ICAM4: variants seen among roughly 807,000 people sequenced by gnomAD.
The protein encoded by ICAM4 is intercellular adhesion molecule 4 (Landsteiner-Wiener blood group).
Under a neutral mutation model 18.8 loss-of-function variants are expected in ICAM4, and 16 were observed. The ratio of observed to expected loss-of-function variants is 0.85; its 90% CI spans 0.58 to 1.29. The LOEUF is 1.29. ICAM4 is among the 50% of genes most tolerant of loss of function. The pLI is 0.00. For missense variants in ICAM4, 338 were observed against 364.3 expected (o/e 0.93, Z 0.59); for synonymous variants, 163 against 163.2 (o/e 1.00, Z 0.01).
At position 10,287,843 on chromosome 19, in the gene ICAM4, GGCACC is replaced by G; in HGVS notation, c.697+6_697+10del. ...CACCCATTACACTGATGCTCGGTGA[GGCACC>G]CCTGTAACCCTGGGGACTAGGAGGA... On this transcript the variant is annotated splice_donor_region_variant and intron_variant, in intron 2 of 2. Transcript: ENST00000380770. The surrounding 1 kb of genome is among the most constrained non-coding windows in gnomAD (Gnocchi z 8.7). The G allele has an allele frequency of 6.2e-7, 1 of 1,610,238 alleles. No individual in the cohort carries two copies. Among genetic ancestry groups the G allele is most frequent in the Non-Finnish European group, 8.5e-7 (1 of 1,179,830 alleles).
Position 10,287,462 on chromosome 19 carries a change from G to A in ICAM4, c.394+56G>A. ...GTGAGGGGAGGGGGCTGGAAGAGGT[G>A]GGGGAAGGGTAGTTGACAGTCGCTC... On this transcript the variant is annotated intron_variant, in intron 1 of 2. Coordinates refer to ENST00000380770, the MANE Select transcript of ICAM4 (RefSeq NM_001544.5). The surrounding 1 kb of genome is among the most constrained non-coding windows in gnomAD (Gnocchi z 8.7). The A allele has an allele frequency of 6.3e-7, 1 of 1,588,756 alleles. No homozygotes were observed. The highest frequency in any genetic ancestry group is 8.6e-7 in the Non-Finnish European group (1 of 1,166,100).
chr19:10,288,098 G>A lies in ICAM4; in HGVS notation c.810G>A (p.Gln270=), dbSNP rs184847594. Residue 270 remains glutamine (Q), a synonymous_variant, in exon 3 of 3, where the codon CAG becomes CAA. Transcript: ENST00000380770. ...YLCKCLAMKS[Q]A ...GCAAGTGCCTAGCTATGAAGTCCCA[G>A]GCGTAAAGGGGGATGTTCTATGCCG... 1.9e-6 allele frequency: 3 copies of A among 1,614,150 alleles called. No homozygotes were observed. The highest frequency in any genetic ancestry group is 1.3e-5 in the African/African-American group (1 of 75,030).
rs1333831539 is a variant in ICAM4 at position 10,288,277 on chromosome 19, G to A, written c.*173G>A. 1.7e-5 allele frequency: 17 copies of A among 984,022 alleles called. No homozygotes were observed. The highest frequency in any genetic ancestry group is 6.2e-5 in the Admixed American group (3 of 48,712). 61.0% of individuals were successfully genotyped at this position (984,022 alleles called of 1,614,324 possible). On this transcript the variant is annotated 3_prime_UTR_variant, in exon 3 of 3. Coordinates refer to ENST00000380770, the MANE Select transcript of ICAM4 (RefSeq NM_001544.5). ...AGCCTGGACAACATAGTGAGACCCC[G>A]TCTATGCAAAAAATACACAAATTAG...
chr19:10,287,598 T>G lies in ICAM4; in HGVS notation c.457T>G (p.Cys153Gly). ...VLKGRKYTLR[C>G]HVTQVFPVGY... ...AAAGGGCAGGAAATACACTTTGCGC[T>G]GCCACGTGACGCAGGTGTTCCCGGT... The change falls in exon 2 of 3, where the codon TGC becomes GGC. Residue 153 changes from cysteine (C) to glycine (G), a missense_variant. Cys to Gly is a radical substitution (Grantham distance 159). Coordinates refer to ENST00000380770, the MANE Select transcript of ICAM4 (RefSeq NM_001544.5). The surrounding 1 kb of genome is among the most constrained non-coding windows in gnomAD (Gnocchi z 8.7). The G allele has an allele frequency of 1.2e-6, 2 of 1,614,030 alleles. No homozygotes were observed. Among genetic ancestry groups the G allele is most frequent in the Non-Finnish European group, 8.5e-7 (1 of 1,179,976 alleles).
In ICAM4 at chr19:10,287,848, C is replaced by T; in HGVS notation, c.697+10C>T. On this transcript the variant is annotated intron_variant, in intron 2 of 2. Transcript: ENST00000380770. The surrounding 1 kb of genome is among the most constrained non-coding windows in gnomAD (Gnocchi z 8.7). ...ATTACACTGATGCTCGGTGAGGCAC[C>T]CCTGTAACCCTGGGGACTAGGAGGA... is the stretch of plus-strand genomic sequence containing the variant. 1 of 1,609,492 alleles carries T rather than the reference C, an allele frequency of 6.2e-7. No homozygotes were observed. Among genetic ancestry groups the T allele is most frequent in the East Asian group, 2.2e-5 (1 of 44,872 alleles).
chr19:10,287,148 G>A lies in ICAM4; in HGVS notation c.136G>A (p.Val46Met). The part of the protein sequence containing the change: ...GSPLAPSGTS[V>M]PFWVRMSPEF... Reference sequence around the variant, plus strand: ...CCCTCTCGCGCCCTCCGGGACCTCAGTGCCCTTCTGGGTGCGCATGAGCCC... The same window carrying A: ...CCCTCTCGCGCCCTCCGGGACCTCAATGCCCTTCTGGGTGCGCATGAGCCC... The change falls in exon 1 of 3, where the codon GTG (valine) becomes ATG (methionine). Residue 46 changes from valine to methionine, a missense_variant. By Grantham distance (21) the Val-to-Met change is conservative. Transcript: ENST00000380770. The surrounding 1 kb of genome is among the most constrained non-coding windows in gnomAD (Gnocchi z 8.7). The A allele has an allele frequency of 6.2e-7, 1 of 1,610,652 alleles. No homozygotes were observed. The highest frequency in any genetic ancestry group is 1.7e-5 in the Admixed American group (1 of 59,802).
Position 10,287,186 on chromosome 19 carries a change from T to C in ICAM4, c.174T>C (p.Ala58=), listed in dbSNP as rs766368286. The C allele has an allele frequency of 6.2e-7, 1 of 1,612,230 alleles. No homozygotes were observed. Among genetic ancestry groups the C allele is most frequent in the South Asian group, 1.1e-5 (1 of 90,982 alleles). Reference sequence around the variant, plus strand: ...TGCGCATGAGCCCGGAGTTCGTGGCTGTGCAGCCGGGGAAGTCAGTGCAGC... The same window carrying C: ...TGCGCATGAGCCCGGAGTTCGTGGCCGTGCAGCCGGGGAAGTCAGTGCAGC... ...FWVRMSPEFV[A]VQPGKSVQLN... Residue 58 remains alanine, a synonymous_variant, in exon 1 of 3, where the codon GCT becomes GCC. Coordinates refer to ENST00000380770, the MANE Select transcript of ICAM4 (RefSeq NM_001544.5). The surrounding 1 kb of genome is among the most constrained non-coding windows in gnomAD (Gnocchi z 8.7).
chr19:10,287,911 A>T lies in ICAM4; in HGVS notation c.697+73A>T, dbSNP rs911269346. 15 of 1,608,270 alleles carry T rather than the reference A, an allele frequency of 9.3e-6. No homozygotes were observed. The highest frequency in any genetic ancestry group is 1.3e-5 in the Non-Finnish European group (15 of 1,177,298). The stretch of plus-strand genomic sequence containing the variant: ...GAGTTATGACCCCGAGAGGGCGCAC[A>T]GACCAAGCGTGAGCTCCACGCGGGT... On this transcript the variant is annotated intron_variant, in intron 2 of 2. Transcript: ENST00000380770. The surrounding 1 kb of genome is among the most constrained non-coding windows in gnomAD (Gnocchi z 8.7).
chr19:10,287,841 G>T lies in ICAM4; in HGVS notation c.697+3G>T, dbSNP rs1470204359. On this transcript the variant is annotated splice_donor_region_variant and intron_variant, in intron 2 of 2. Transcript: ENST00000380770. The surrounding 1 kb of genome is among the most constrained non-coding windows in gnomAD (Gnocchi z 8.7). ...GGCACCCATTACACTGATGCTCGGT[G>T]AGGCACCCCTGTAACCCTGGGGACT... 6.2e-7 allele frequency: 1 copy of T among 1,610,286 alleles called. No individual in the cohort carries two copies.
rs1262755497 is a variant in ICAM4, at chr19:10,287,256, C to G, written c.244C>G (p.Arg82Gly). 15 of 1,613,606 alleles carry G rather than the reference C, an allele frequency of 9.3e-6. No individual in the cohort carries two copies. Among genetic ancestry groups the G allele is most frequent in the Non-Finnish European group, 1.2e-5 (14 of 1,180,008 alleles). The change falls in exon 1 of 3, where the codon CGC becomes GGC. Residue 82 changes from arginine to glycine, a missense_variant. Physicochemically the swap from Arg to Gly is moderately radical, Grantham distance 125. Coordinates refer to ENST00000380770, the MANE Select transcript of ICAM4 (RefSeq NM_001544.5). This position sits in a 1 kb window ranked among gnomAD's most constrained non-coding sequence, Gnocchi z 8.7. The stretch of plus-strand genomic sequence containing the variant: ...TCCCCAGCCGCAGAATTCCAGCCTC[C>G]GCACCCCGCTGCGGCAAGGCAAGAC... ...SCPQPQNSSL[R>G]TPLRQGKTLR...
chr19:10,287,635 T>C lies in ICAM4; in HGVS notation c.494T>C (p.Val165Ala). The C allele has an allele frequency of 6.2e-7, 1 of 1,614,086 alleles. No individual in the cohort carries two copies. Among genetic ancestry groups the C allele is most frequent in the East Asian group, 2.2e-5 (1 of 44,870 alleles). ...CAGGTGTTCCCGGTGGGCTACTTGG[T>C]GGTGACCCTGAGGCATGGAAGCCGG... ...VTQVFPVGYL[V>A]VTLRHGSRVI... Residue 165 changes from valine to alanine, a missense_variant, in exon 2 of 3, where the codon GTG becomes GCG. Physicochemically the swap from Val to Ala is moderately conservative, Grantham distance 64. Coordinates refer to ENST00000380770, the MANE Select transcript of ICAM4 (RefSeq NM_001544.5). This position sits in a 1 kb window ranked among gnomAD's most constrained non-coding sequence, Gnocchi z 8.7.
In ICAM4 at chr19:10,288,454, TAAAATA is replaced by T. The variant is rs1355753813; in HGVS notation, c.*365_*370del. ...CAGAGCACGACCCTGTCTCCAAAAA[TAAAATA>T]AAAATAAAAATAAATATTGGCGGGG... On this transcript the variant is annotated 3_prime_UTR_variant, in exon 3 of 3. Transcript: ENST00000380770. 4 of 409,408 alleles carry T rather than the reference TAAAATA, an allele frequency of 9.8e-6. No homozygotes were observed. The highest frequency in any genetic ancestry group is 3.9e-5 in the Admixed American group (1 of 25,380). The allele number at this position is 409,408 out of a possible 1,614,324, so 25.4% of individuals were successfully genotyped here. A position where few individuals can be genotyped will look rare whatever the true frequency, so the allele number is the denominator to read the frequency against.
At position 10,286,995 on chromosome 19, in the gene ICAM4, T is replaced by G; in HGVS notation, c.-18T>G. 1 of 1,493,180 alleles carries G rather than the reference T, an allele frequency of 6.7e-7. No homozygotes were observed. Among genetic ancestry groups the G allele is most frequent in the Non-Finnish European group, 8.9e-7 (1 of 1,127,078 alleles). The allele number at this position is 1,493,180 out of a possible 1,614,324, so 92.5% of individuals were successfully genotyped here. ...CCTGGCTCTCTGGCGCGGGGCCCCT[T>G]AGTCCGGGCTTTTTGCCATGGGGTC... is the stretch of plus-strand genomic sequence containing the variant. On this transcript the variant is annotated 5_prime_UTR_variant, in exon 1 of 3. Coordinates refer to ENST00000380770, the MANE Select transcript of ICAM4 (RefSeq NM_001544.5).
At position 10,288,017 on chromosome 19, in the gene ICAM4, C is replaced by T. The variant is rs2040134456; in HGVS notation, c.729C>T (p.Ser243=). ...AWSPAPTALA[S]GSIAALVGIL... Reference sequence around the variant, plus strand: ...GCCCCGCGCCCACAGCTTTGGCCTCCGGTTCCATCGCTGCCCTTGTAGGGA... The same window carrying T: ...GCCCCGCGCCCACAGCTTTGGCCTCTGGTTCCATCGCTGCCCTTGTAGGGA... Residue 243 remains serine, a synonymous_variant, in exon 3 of 3, where the codon TCC becomes TCT. Transcript: ENST00000380770. 1.2e-6 allele frequency: 2 copies of T among 1,614,136 alleles called. No individual in the cohort carries two copies. The highest frequency in any genetic ancestry group is 1.7e-6 in the Non-Finnish European group (2 of 1,180,030).
Position 10,287,027 on chromosome 19 carries a change from C to CCGAA in ICAM4, c.16_17insGAAC (p.Pro6ArgfsTer25), listed in dbSNP as rs1308974018. ...GGCTTTTTGCCATGGGGTCTCTGTTCCCTCTGTCGCTGCTGTTTTTTTTGG... is the reference window on the plus strand; with the variant it reads ...GGCTTTTTGCCATGGGGTCTCTGTTCCGAACCTCTGTCGCTGCTGTTTTTTTTGG... On this transcript the variant is annotated frameshift_variant, in exon 1 of 3. Transcript: ENST00000380770. LOFTEE classifies it high-confidence loss of function. This position sits in a 1 kb window ranked among gnomAD's most constrained non-coding sequence, Gnocchi z 8.7. 6.5e-7 allele frequency: 1 copy of CCGAA among 1,546,330 alleles called. No homozygotes were observed. Among genetic ancestry groups the CCGAA allele is most frequent in the Non-Finnish European group, 8.7e-7 (1 of 1,146,884 alleles).
Position 10,287,156 on chromosome 19 carries a change from C to A in ICAM4, c.144C>A (p.Phe48Leu), listed in dbSNP as rs35713817. The A allele has an allele frequency of 4.8e-5, 77 of 1,611,208 alleles. 1 individual carries two copies. The East Asian group carries it at 1.7e-3, about 36-fold the overall frequency. ...CGCCCTCCGGGACCTCAGTGCCCTT[C>A]TGGGTGCGCATGAGCCCGGAGTTCG... ...PLAPSGTSVP[F>L]WVRMSPEFVA... The change falls in exon 1 of 3, where the codon TTC (phenylalanine) becomes TTA (leucine). Residue 48 changes from phenylalanine (F) to leucine (L), a missense_variant. By Grantham distance (22) the Phe-to-Leu change is conservative. Coordinates refer to ENST00000380770, the MANE Select transcript of ICAM4 (RefSeq NM_001544.5). This position sits in a 1 kb window ranked among gnomAD's most constrained non-coding sequence, Gnocchi z 8.7.
chr19:10,287,125 C>T lies in ICAM4; in HGVS notation c.113C>T (p.Pro38Leu). 6.2e-7 allele frequency: 1 copy of T among 1,608,422 alleles called. No homozygotes were observed. The highest frequency in any genetic ancestry group is 8.5e-7 in the Non-Finnish European group (1 of 1,176,858). Reference protein sequence around the residue: ...TKRAQSPKGSPLAPSGTSVPF... With the variant: ...TKRAQSPKGSLLAPSGTSVPF... ...CGGGCGCAAAGCCCCAAGGGTAGCC[C>T]TCTCGCGCCCTCCGGGACCTCAGTG... Residue 38 changes from proline to leucine, a missense_variant, in exon 1 of 3, where the codon CCT becomes CTT. Pro to Leu is a moderately conservative substitution (Grantham distance 98, BLOSUM62 -3). Coordinates refer to ENST00000380770, the MANE Select transcript of ICAM4 (RefSeq NM_001544.5). This position sits in a 1 kb window ranked among gnomAD's most constrained non-coding sequence, Gnocchi z 8.7.
Position 10,287,604 on chromosome 19 carries a change from G to T in ICAM4, c.463G>T (p.Val155Leu), listed in dbSNP as rs769960980. The T allele has an allele frequency of 3.1e-6, 5 of 1,614,028 alleles. No individual in the cohort carries two copies. The highest frequency in any genetic ancestry group is 4.2e-6 in the Non-Finnish European group (5 of 1,180,026). ...CAGGAAATACACTTTGCGCTGCCAC[G>T]TGACGCAGGTGTTCCCGGTGGGCTA... The part of the protein sequence containing the change: ...KGRKYTLRCH[V>L]TQVFPVGYLV... Residue 155 changes from valine to leucine, a missense_variant, in exon 2 of 3, where the codon GTG (valine) becomes TTG (leucine). Coordinates refer to ENST00000380770, the MANE Select transcript of ICAM4 (RefSeq NM_001544.5). This position sits in a 1 kb window ranked among gnomAD's most constrained non-coding sequence, Gnocchi z 8.7.
rs755834103 is a variant in ICAM4, at chr19:10,286,985, C to T, written c.-28C>T. The T allele has an allele frequency of 7.4e-6, 11 of 1,481,292 alleles. No homozygotes were observed. The highest frequency in any genetic ancestry group is 9.8e-6 in the Non-Finnish European group (11 of 1,122,566). The allele number at this position is 1,481,292 out of a possible 1,614,324, so 91.8% of individuals were successfully genotyped here. ...TAGAGCCGGCCCTGGCTCTCTGGCG[C>T]GGGGCCCCTTAGTCCGGGCTTTTTG... On this transcript the variant is annotated 5_prime_UTR_variant, in exon 1 of 3. Transcript: ENST00000380770.
Sources: allele counts gnomAD v4.1 joint callset, GRCh38; gene constraint gnomAD v4.1.1; non-coding constraint Gnocchi (gnomAD v3.1); transcripts MANE v1.5; gene names NCBI Gene and HGNC (gene_info 2026-07-23, HGNC 2026-07-21).